DLG2: variants seen among roughly 807,000 people sequenced by gnomAD.
The protein encoded by DLG2 is disks large homolog 2.
A neutral mutation model predicts 132.5 loss-of-function variants in DLG2; 45 were observed. The observed-to-expected ratio is 0.34, with a 90% CI of 0.27 to 0.44. The LOEUF (loss-of-function observed/expected upper bound fraction) is 0.44, where lower values mean the gene tolerates loss of function less well. Ranked by LOEUF, DLG2 falls within the 20% of genes least tolerant of loss-of-function variation. The pLI, the probability that DLG2 is intolerant of heterozygous loss-of-function variation, is 1.00. For missense variants in DLG2, 1,045 were observed against 1,196.9 expected, an observed-to-expected ratio of 0.87 and a Z score of 1.87; for synonymous variants, 424 against 419.6, an observed-to-expected ratio of 1.01 and a Z score of -0.13.
chr11:85,342,204 TA>T (rs1244369378), intron 3 of DLG2, among the ~76,000 whole-genome samples: 1 of 152,256 alleles, frequency 6.6e-6, no homozygotes, highest in African/African-American at 2.4e-5. Context: ...TAAACATTTT[TA>T]CTCTGTTGTA....
At position 85,591,399 on chromosome 11, in the gene DLG2, C is replaced by T. The variant is rs759754705; in HGVS notation, c.40+7258G>A. On this transcript the variant is annotated intron_variant, in intron 3 of 27. Transcript: ENST00000376104. ...ATCCATTTCCTCACTCTCCTTTGAA[C>T]GTACATCAATGTGTATAATTTTCAA... Among the ~76,000 whole-genome samples the T allele has an allele frequency of 2.2e-4, 33 of 152,248 alleles. No homozygotes were observed. In the Middle Eastern group the frequency reaches 0.01, roughly 47 times the overall value.
At chr11:85,059,326 T>G (rs1412264085) in intron 6 of DLG2, among the ~76,000 whole-genome samples, 2 of 151,522 alleles carry the variant, frequency 1.3e-5, no homozygotes, top group African/African-American at 4.8e-5. Flanking sequence ...GAGTATAGAT[T>G]TGTATAATCA....
rs1039719363 is a variant in DLG2 at position 84,172,608 on chromosome 11, T to A, written c.574-9097A>T. ...CCCAGGCTGGAGTGCAGTGGTGCAA[T>A]CTCGGCTCACTGCAACCTCCACCTC... On this transcript the variant is annotated intron_variant, in intron 8 of 27. Transcript: ENST00000376104. Among the ~76,000 whole-genome samples, 27 of 151,998 alleles carry A rather than the reference T, an allele frequency of 1.8e-4. 1 individual carries two copies. The highest frequency in any genetic ancestry group is 2.4e-5 in the African/African-American group (1 of 41,378).
intron 7 of DLG2, among the ~76,000 whole-genome samples, chr11:84,269,170 C>T (rs2097687257): frequency 6.6e-6 from 1 of 152,136 alleles, no homozygotes; most frequent in Non-Finnish European, 1.5e-5. Context: ...AATAGAGATA[C>T]ATGTGTAACT....
At chr11:83,996,700 T>A (rs1002489459) in intron 11 of DLG2, among the ~76,000 whole-genome samples, 4 of 152,080 alleles carry the variant, frequency 2.6e-5, no homozygotes, top group African/African-American at 9.7e-5. Context: ...TTATGTTAAG[T>A]GAAATAAGCA....
intron 6 of DLG2, among the ~76,000 whole-genome samples, chr11:84,911,181 G>A (rs972453595): frequency 6.6e-6 from 1 of 151,982 alleles, no homozygotes; most frequent in Non-Finnish European, 1.5e-5. Flanking sequence ...ATACTTTGTT[G>A]TTTTAAGGCA....
At chr11:84,796,924 G>A (rs1051287312) in intron 6 of DLG2, among the ~76,000 whole-genome samples, 7 of 151,888 alleles carry the variant, frequency 4.6e-5, no homozygotes, top group Admixed American at 2.0e-4. Context: ...TCGGCTCACT[G>A]CAACCTCTGC....
chr11:84,594,722 G>GA (rs1167713354), intron 6 of DLG2, among the ~76,000 whole-genome samples: 1 of 152,148 alleles, frequency 6.6e-6, no homozygotes, highest in African/African-American at 2.4e-5. Context: ...TTGTCTTACA[G>GA]AAAAATCACT....
At chr11:83,831,532 CAGAGAGAGAG>C (rs140071758) in intron 17 of DLG2, among the ~76,000 whole-genome samples, 1 of 146,706 alleles carries the variant, frequency 6.8e-6, no homozygotes, top group Non-Finnish European at 1.5e-5. Context: ...GTGTGTATGT[CAGAGAGAGAG>C]AGAGAGAGAG....
rs117259849 is a variant in DLG2, at chr11:83,726,411, C to T, written c.1825+60279G>A. Among the ~76,000 whole-genome samples the T allele has an allele frequency of 2.7e-4, 41 of 152,190 alleles. No individual in the cohort carries two copies. The East Asian group carries it at 7.5e-3, about 28-fold the overall frequency. On this transcript the variant is annotated intron_variant, in intron 18 of 27. Coordinates refer to ENST00000376104, the MANE Select transcript of DLG2 (RefSeq NM_001142699.3). Reference sequence around the variant, plus strand: ...TTTTCTATATGAATTTCCTTCCCTCCCCACACAAAAATATTAGGAGAAAAG... The same window carrying T: ...TTTTCTATATGAATTTCCTTCCCTCTCCACACAAAAATATTAGGAGAAAAG...
chr11:84,026,651 T>C (rs962759725), intron 11 of DLG2, among the ~76,000 whole-genome samples: 2 of 152,248 alleles, frequency 1.3e-5, no homozygotes, highest in Non-Finnish European at 2.9e-5. Flanking sequence ...AAATTAATGT[T>C]TGTTTATTGA....
Position 83,803,377 on chromosome 11 carries a change from A to G in DLG2, c.1723-16585T>C, listed in dbSNP as rs549673255. 2.6e-5 allele frequency among the ~76,000 whole-genome samples: 4 copies of G among 152,296 alleles called. No individual in the cohort carries two copies. In the East Asian group the frequency reaches 7.7e-4, roughly 29 times the overall value. Reference sequence around the variant, plus strand: ...CATTGGCATTAATTGTAGAAGGCTCATGTGTGTTAAATGTTTTGCAAACCG... The same window carrying G: ...CATTGGCATTAATTGTAGAAGGCTCGTGTGTGTTAAATGTTTTGCAAACCG... On this transcript the variant is annotated intron_variant, in intron 17 of 27. Coordinates refer to ENST00000376104, the MANE Select transcript of DLG2 (RefSeq NM_001142699.3).
intron 7 of DLG2, among the ~76,000 whole-genome samples, chr11:84,360,920 T>C (rs6592179): frequency 0.37 from 56,336 of 151,478 alleles, 15,703 homozygotes; most frequent in African/African-American, 0.79. Flanking sequence ...ATGAGAGAAA[T>C]GGAAGATTTT....
At chr11:84,455,383 A>C (rs554427394) in intron 7 of DLG2, among the ~76,000 whole-genome samples, 1 of 151,400 alleles carries the variant, frequency 6.6e-6, no homozygotes, top group Non-Finnish European at 1.5e-5. Context: ...TGGTGTAGAA[A>C]AAGACTTAAG....
chr11:83,813,531 C>T (rs1167413036), intron 17 of DLG2, among the ~76,000 whole-genome samples: 1 of 152,064 alleles, frequency 6.6e-6, no homozygotes, highest in Non-Finnish European at 1.5e-5. Flanking sequence ...GTGCTTAGCA[C>T]AGTGAACAGA....
At chr11:84,280,599 G>GA (rs1401496873) in intron 7 of DLG2, among the ~76,000 whole-genome samples, 1 of 151,860 alleles carries the variant, frequency 6.6e-6, no homozygotes, top group Non-Finnish European at 1.5e-5. Context: ...TACAAAAAAA[G>GA]AAAAAAGAGG....
intron 15 of DLG2, among the ~76,000 whole-genome samples, chr11:83,912,958 G>A (rs571139474): frequency 6.6e-6 from 1 of 152,176 alleles, no homozygotes; most frequent in East Asian, 1.9e-4. Context: ...ATAAGGCAGT[G>A]AGGGCTATAA....
chr11:84,292,377 A>C (rs2098014597), intron 7 of DLG2, among the ~76,000 whole-genome samples: 1 of 152,172 alleles, frequency 6.6e-6, no homozygotes, highest in Non-Finnish European at 1.5e-5. Flanking sequence ...AAATGGGACT[A>C]GGAAAGCTCA....
At chr11:83,974,752 A>T (rs1255450637) in intron 12 of DLG2, among the ~76,000 whole-genome samples, 1 of 152,054 alleles carries the variant, frequency 6.6e-6, no homozygotes, top group Non-Finnish European at 1.5e-5. Flanking sequence ...AAGACCAAAG[A>T]TGGATGTGAC....
Sources: allele counts gnomAD v4.1 joint callset (sites outside exome capture counted in the v4.1 genomes callset), GRCh38; gene constraint gnomAD v4.1.1; transcripts MANE v1.5; gene names NCBI Gene and HGNC (gene_info 2026-07-23, HGNC 2026-07-21).